MED27: variants seen among roughly 807,000 people sequenced by gnomAD.
MED27 encodes mediator of RNA polymerase II transcription subunit 27.
Under a neutral mutation model 38.2 loss-of-function variants are expected in MED27, and 30 were observed. The observed-to-expected ratio is 0.79, with a 90% CI of 0.59 to 1.07. MED27 has a LOEUF of 1.07. Ranked by LOEUF, MED27 falls within the 50% of genes least tolerant of loss-of-function variation. MED27 has a pLI of 0.00. For synonymous variants in MED27, 122 were observed against 153.5 expected, an observed-to-expected ratio of 0.79 and a Z score of 1.52; for missense variants, 289 against 397.5, an observed-to-expected ratio of 0.73 and a Z score of 2.32.
chr9:131,992,126 A>G (rs1458841572), intron 3 of MED27, among the ~76,000 whole-genome samples: 1 of 152,158 alleles, frequency 6.6e-6, no homozygotes, highest in Non-Finnish European at 1.5e-5. Context: ...CCCAATTCCC[A>G]TATTATTTGT....
chr9:131,992,253 A>C (rs1831991845), intron 3 of MED27, among the ~76,000 whole-genome samples: 1 of 152,212 alleles, frequency 6.6e-6, no homozygotes, highest in Admixed American at 6.5e-5. Context: ...AATGAGAAAA[A>C]AAGGAAAGGA....
chr9:132,040,194 CCCAGCACTAAACAAAGCTGCTG>C (rs1405256715), intron 2 of MED27, among the ~76,000 whole-genome samples: 2 of 152,210 alleles, frequency 1.3e-5, no homozygotes, highest in Admixed American at 6.5e-5. Flanking sequence ...ATATGGGCTG[CCCAGCACTAAACAAAGCTGCTG>C]CCAGCCACCA....
intron 4 of MED27, among the ~76,000 whole-genome samples, chr9:131,934,662 A>T (rs1018067360): frequency 2.0e-5 from 3 of 152,156 alleles, no homozygotes; most frequent in African/African-American, 7.2e-5. Flanking sequence ...GGTTCCTCAG[A>T]AAACCAAAAA....
intron 4 of MED27, among the ~76,000 whole-genome samples, chr9:131,909,986 G>A (rs527894289): frequency 1.6e-4 from 24 of 152,166 alleles, no homozygotes; most frequent in Non-Finnish European, 2.4e-4. Flanking sequence ...AACTCACCCA[G>A]GAATCCCTAG....
intron 3 of MED27, among the ~76,000 whole-genome samples, chr9:131,993,658 C>A (rs935712786): frequency 2.0e-5 from 3 of 152,194 alleles, no homozygotes; most frequent in African/African-American, 7.2e-5. Context: ...GGTCCACAGA[C>A]CCATCTCATC....
intron 4 of MED27, among the ~76,000 whole-genome samples, chr9:131,898,730 G>A (rs765843814): frequency 6.6e-6 from 1 of 151,928 alleles, no homozygotes; most frequent in Non-Finnish European, 1.5e-5. Flanking sequence ...GATTACAGGC[G>A]TGTGCCACCA....
At position 131,875,427 on chromosome 9, in the gene MED27, C is replaced by A. The variant is rs187819616; in HGVS notation, c.723+8631G>T. 2.6e-3 allele frequency among the ~76,000 whole-genome samples: 399 copies of A among 152,248 alleles called. 1 individual carries two copies. Among genetic ancestry groups the A allele is most frequent in the Middle Eastern group, 0.01 (3 of 294 alleles). Reference sequence around the variant, plus strand: ...GGCACAAACCCAGGTCTGTCTGACTCCAGCCTATACCCTGAGCCACCGTGT... The same window carrying A: ...GGCACAAACCCAGGTCTGTCTGACTACAGCCTATACCCTGAGCCACCGTGT... On this transcript the variant is annotated intron_variant, in intron 6 of 7. Coordinates refer to ENST00000292035, the MANE Select transcript of MED27 (RefSeq NM_004269.4).
At chr9:132,032,310 T>C (rs369910225) in intron 2 of MED27, 60 of 152,340 alleles carry the variant, frequency 3.9e-4, no homozygotes, top group African/African-American at 1.4e-3. Flanking sequence ...TTATTTGGTG[T>C]TTACCGAGAA....
intron 4 of MED27, among the ~76,000 whole-genome samples, chr9:131,932,081 A>G (rs577367648): frequency 6.6e-6 from 1 of 152,242 alleles, no homozygotes; most frequent in African/African-American, 2.4e-5. Context: ...CTCAAGGATA[A>G]GACTACATGG....
At chr9:131,933,094 T>G (rs7860189) in intron 4 of MED27, among the ~76,000 whole-genome samples, 6 of 151,894 alleles carry the variant, frequency 4.0e-5, no homozygotes, top group Non-Finnish European at 8.8e-5. Flanking sequence ...CTTCAAAAAT[T>G]TGGGTATGGA....
rs775524832 is a variant in MED27 at position 132,069,242 on chromosome 9, C to T, written c.348+8200G>A. Among the ~76,000 whole-genome samples the T allele has an allele frequency of 6.2e-4, 94 of 152,290 alleles. 1 individual carries two copies. The highest frequency in any genetic ancestry group is 8.2e-4 in the Non-Finnish European group (56 of 68,022). ...GGCTCCCAGACGGCAAGTTGACACA[C>T]GTCCAGCAGCCTCTGCAGCCTCCCT... On this transcript the variant is annotated intron_variant, in intron 2 of 7. Coordinates refer to ENST00000292035, the MANE Select transcript of MED27 (RefSeq NM_004269.4).
intron 3 of MED27, among the ~76,000 whole-genome samples, chr9:131,989,626 C>A (rs1372609075): frequency 1.3e-5 from 2 of 152,002 alleles, no homozygotes; most frequent in East Asian, 3.9e-4. Context: ...GTTGTGAAAC[C>A]AGTTGTATTA....
At chr9:131,870,542 T>C (rs1838813422) in intron 6 of MED27, among the ~76,000 whole-genome samples, 1 of 152,172 alleles carries the variant, frequency 6.6e-6, no homozygotes, top group African/African-American at 2.4e-5. Context: ...AAGGAGCTGC[T>C]AGGTGGCACA....
intron 2 of MED27, among the ~76,000 whole-genome samples, chr9:132,057,861 G>A (rs1833613280): frequency 6.6e-6 from 1 of 152,184 alleles, no homozygotes; most frequent in African/African-American, 2.4e-5. Context: ...GTGGAGCCCG[G>A]TGAAATGGCA....
rs7034025 is a variant in MED27, at chr9:132,049,859, A to T, written c.348+27583T>A. On this transcript the variant is annotated intron_variant, in intron 2 of 7. Transcript: ENST00000292035. ...AAGACTGCCAAAGAGAAATGGGGGA[A>T]ATCCAAAGAAACCCAAAAAAGGTAA... Among the ~76,000 whole-genome samples the T allele has an allele frequency of 2.9e-3, 446 of 152,302 alleles. 1 individual carries two copies. The highest frequency in any genetic ancestry group is 9.9e-3 in the African/African-American group (413 of 41,572).
intron 4 of MED27, among the ~76,000 whole-genome samples, chr9:131,919,970 T>C (rs1410880521): frequency 6.6e-6 from 1 of 151,946 alleles, no homozygotes; most frequent in Non-Finnish European, 1.5e-5. Flanking sequence ...TCACCATGCC[T>C]GACTAATTTT....
chr9:132,066,808 T>A (rs922261869), intron 2 of MED27, among the ~76,000 whole-genome samples: 1 of 152,166 alleles, frequency 6.6e-6, no homozygotes, highest in Non-Finnish European at 1.5e-5. Flanking sequence ...TCCCTAAGAT[T>A]AGCACAGAGC....
chr9:131,927,247 T>C (rs991407331), intron 4 of MED27, among the ~76,000 whole-genome samples: 1 of 152,218 alleles, frequency 6.6e-6, no homozygotes, highest in Non-Finnish European at 1.5e-5. Flanking sequence ...TATTTAAAGA[T>C]TATGCAAGAG....
intron 3 of MED27, among the ~76,000 whole-genome samples, chr9:131,981,360 C>T (rs1409607369): frequency 1.3e-5 from 2 of 152,126 alleles, no homozygotes; most frequent in Admixed American, 6.5e-5. Context: ...GTGTAAAGCC[C>T]CATGGAATCT....
Sources: gnomAD v4.1 joint callset for allele counts (sites outside exome capture counted in the v4.1 genomes callset) on GRCh38, gnomAD v4.1.1 for gene constraint, MANE v1.5 for transcripts, NCBI Gene and HGNC (gene_info 2026-07-23, HGNC 2026-07-21) for gene names.